Variants in CDK12 observed in about 807,000 individuals in gnomAD.
CDK12 encodes the protein cyclin-dependent kinase 12.
CDK12 carries 17 observed loss-of-function variants against 133.8 expected under a neutral mutation model. The ratio of observed to expected loss-of-function variants is 0.13; its 90% CI spans 0.09 to 0.19. The LOEUF is 0.19. Among genes scored for constraint, CDK12 ranks in the 10% least tolerant of loss-of-function variants. The pLI is 1.00. For missense variants in CDK12, 1,508 were observed against 1,818.7 expected (o/e 0.83, Z 3.11); for synonymous variants, 694 against 683.6 (o/e 1.02, Z -0.24).
rs766575927 is a variant in CDK12 at position 39,471,324 on chromosome 17, C to G, written c.1492C>G (p.Gln498Glu). ...GCATCTTGTTAAAGATTTGAAAGCA[C>G]AGGGAACAAGAGACTCTAAACCCAT... ...EKHLVKDLKA[Q>E]GTRDSKPIAL... is the part of the protein sequence containing the mutation. Residue 498 changes from glutamine (Q) to glutamate (E), a missense_variant, in exon 2 of 14, where the codon CAG (glutamine) becomes GAG (glutamate). Physicochemically the swap from Gln to Glu is conservative, Grantham distance 29. Around this residue, in one of 9 missense-constraint regions of CDK12, gnomAD observed 347 missense variants for 330.8 expected, o/e 1.05. Coordinates refer to ENST00000447079, the MANE Select transcript of CDK12 (RefSeq NM_016507.4). 1.4e-5 allele frequency: 22 copies of G among 1,613,606 alleles called. No homozygotes were observed. Among genetic ancestry groups the G allele is most frequent in the Non-Finnish European group, 1.9e-5 (22 of 1,179,702 alleles).
At chr17:39,497,425 C>G (rs1186474528) in intron 5 of CDK12, among the ~76,000 whole-genome samples, 6 of 151,752 alleles carry the variant, frequency 4.0e-5, no homozygotes, top group African/African-American at 9.7e-5. Context: ...CACTTTTAAT[C>G]CTGGCTACTG....
intron 5 of CDK12, among the ~76,000 whole-genome samples, chr17:39,499,325 A>T (rs2052542798): frequency 6.7e-6 from 1 of 148,898 alleles, no homozygotes; most frequent in Non-Finnish European, 1.5e-5. Context: ...GTCATGCCTC[A>T]GCCTCCCTGA....
chr17:39,563,892 C>T (rs937881855), intron 3 of CDK12, among the ~76,000 whole-genome samples: 1 of 152,162 alleles, frequency 6.6e-6, no homozygotes, highest in Non-Finnish European at 1.5e-5. Flanking sequence ...CCCCTCGGTG[C>T]CACTCACTTA....
chr17:39,557,877 T>C (rs946485926), intron 3 of CDK12, among the ~76,000 whole-genome samples: 6 of 152,214 alleles, frequency 3.9e-5, no homozygotes, highest in African/African-American at 1.4e-4. Context: ...ACTTACCAGC[T>C]GTGCTACCTT....
rs183300137 is a variant in CDK12, at chr17:39,466,735, G to A, written c.1046+3618G>A. On this transcript the variant is annotated intron_variant, in intron 1 of 13. Transcript: ENST00000447079. ...AAAAAATTGGAGACACAATATGGTAGCGTAGCATGCAAATATAAACATATA... is the reference window on the plus strand; with the variant it reads ...AAAAAATTGGAGACACAATATGGTAACGTAGCATGCAAATATAAACATATA... Among the ~76,000 whole-genome samples, 736 of 148,044 alleles carry A rather than the reference G, an allele frequency of 5.0e-3. 20 individuals are homozygous for A. Among genetic ancestry groups the A allele is most frequent in the Admixed American group, 0.042 (603 of 14,452 alleles).
intron 1 of CDK12, among the ~76,000 whole-genome samples, chr17:39,540,872 A>G (rs925893242): frequency 1.3e-5 from 2 of 152,146 alleles, no homozygotes; most frequent in East Asian, 3.9e-4. Flanking sequence ...AAAACCCTCC[A>G]TTCCCTGCAG....
rs1175641459 is a variant in CDK12 at position 39,498,007 on chromosome 17, CTTTCT to C, written c.2420-3239_2420-3235del. Among the ~76,000 whole-genome samples, 13 of 90,750 alleles carry C rather than the reference CTTTCT, an allele frequency of 1.4e-4. No individual in the cohort carries two copies. In the South Asian group the frequency reaches 4.9e-3, roughly 34 times the overall value. The allele number at this position is 90,750 out of a possible 152,430, so 59.5% of individuals were successfully genotyped here. ...TCTTTCTCTCTCTCTTTCTCTCTTT[CTTTCT>C]TTTTTTTTTGGGACAGAGTCTTGCT... On this transcript the variant is annotated intron_variant, in intron 5 of 13. Transcript: ENST00000447079.
At chr17:39,546,503 G>C (rs2055715134), upstream of CDK12, 1 of 152,264 alleles carries the variant, frequency 6.6e-6, no homozygotes, top group Middle Eastern at 3.4e-3. Flanking sequence ...TTTAGTATAT[G>C]TGCTGCCAAA....
rs1555553398 is a variant in CDK12 at position 39,476,711 on chromosome 17, C to CATTTTTTTTTTTTTTTTTTTTTTTTTTTT, written c.1931+4948_1931+4949insATTTTTTTTTTTTTTTTTTTTTTTTTTTT. Among the ~76,000 whole-genome samples, 11 of 84,508 alleles carry CATTTTTTTTTTTTTTTTTTTTTTTTTTTT rather than the reference C, an allele frequency of 1.3e-4. 4 individuals are homozygous for CATTTTTTTTTTTTTTTTTTTTTTTTTTTT. The highest frequency in any genetic ancestry group is 7.1e-4 in the South Asian group (2 of 2,812). The allele number at this position is 84,508 out of a possible 152,430, so 55.4% of individuals were successfully genotyped here. ...TACAGGCATGAGCCACCATGCCTGC[C>CATTTTTTTTTTTTTTTTTTTTTTTTTTTT]TTTTTTTTTTTTTTTTTTTTTTTTT... On this transcript the variant is annotated intron_variant, in intron 2 of 13. Coordinates refer to ENST00000447079, the MANE Select transcript of CDK12 (RefSeq NM_016507.4).
rs1402839643 is a variant in CDK12 at position 39,469,604 on chromosome 17, A to AT, written c.1047-1274dup. ...CTTGTTGCTTTTAACTTCCTGATGG[A>AT]TATAACCCACCTTTACTATGGAGTA... On this transcript the variant is annotated intron_variant, in intron 1 of 13. Coordinates refer to ENST00000447079, the MANE Select transcript of CDK12 (RefSeq NM_016507.4). 2.0e-5 allele frequency among the ~76,000 whole-genome samples: 3 copies of AT among 149,888 alleles called. No homozygotes were observed. In the East Asian group the frequency reaches 5.9e-4, roughly 29 times the overall value.
At chr17:39,493,168 T>TTG (rs1312939758) in intron 4 of CDK12, among the ~76,000 whole-genome samples, 9 of 148,102 alleles carry the variant, frequency 6.1e-5, no homozygotes, top group Admixed American at 4.8e-4. Flanking sequence ...TAATTTTTGT[T>TTG]TTTTTTTTTT....
chr17:39,470,807 G>T, intron 1 of CDK12, 72 bp from the exon 2 acceptor site: 1 of 1,232,692 alleles, frequency 8.1e-7, no homozygotes, highest in Non-Finnish European at 1.1e-6. Flanking sequence ...TTCATAGTTT[G>T]TTTTATTGAT....
chr17:39,512,040 A>G (rs2146388211), intron 8 of CDK12, among the ~76,000 whole-genome samples: 1 of 152,264 alleles, frequency 6.6e-6, no homozygotes, highest in East Asian at 1.9e-4. Context: ...CGCAGATTGT[A>G]TCCTTGTGAT....
intron 2 of CDK12, among the ~76,000 whole-genome samples, chr17:39,482,906 T>A (rs1012243277): frequency 2.0e-5 from 2 of 99,206 alleles, no homozygotes. Context: ...CTGCCTCAAC[T>A]AAATTTTTTT....
chr17:39,524,500 A>G (rs1002826801), intron 11 of CDK12, among the ~76,000 whole-genome samples, 174 bp from the exon 12 acceptor site: 1 of 152,212 alleles, frequency 6.6e-6, no homozygotes, highest in Non-Finnish European at 1.5e-5. Flanking sequence ...ACCATCTGCC[A>G]TGATTTATTT....
At chr17:39,469,672 T>C (rs952525813) in intron 1 of CDK12, among the ~76,000 whole-genome samples, 3 of 150,464 alleles carry the variant, frequency 2.0e-5, no homozygotes, top group African/African-American at 7.3e-5. Flanking sequence ...AATTTTGCTG[T>C]TGTTGCCCAG....
downstream of CDK12, among the ~76,000 whole-genome samples, chr17:39,566,303 A>T (rs2056572227): frequency 6.6e-6 from 1 of 152,182 alleles, no homozygotes; most frequent in African/African-American, 2.4e-5. Flanking sequence ...CTGGTCTTCC[A>T]TTAGTTTGTT....
intron 6 of CDK12, among the ~76,000 whole-genome samples, chr17:39,508,055 C>T (rs2053243450): frequency 6.6e-6 from 1 of 152,020 alleles, no homozygotes; most frequent in South Asian, 2.1e-4. Context: ...GACGAGAATT[C>T]TTTTGGATTT....
At position 39,517,498 on chromosome 17, in the gene CDK12, T is replaced by C; in HGVS notation, c.2905T>C (p.Phe969Leu). Residue 969 changes from phenylalanine (F) to leucine (L), a missense_variant, in exon 10 of 14, where the codon TTC (phenylalanine) becomes CTC (leucine). Transcript: ENST00000447079. ...VWPDVIKLPYFNTMKPKKQYR... is the reference protein window; with the variant it reads ...VWPDVIKLPYLNTMKPKKQYR... The stretch of plus-strand genomic sequence containing the variant: ...GCCTGATGTTATCAAACTGCCCTAC[T>C]TCAACACCATGAAACCGAAGAAGCA... 1.2e-6 allele frequency: 2 copies of C among 1,613,868 alleles called. No homozygotes were observed. The highest frequency in any genetic ancestry group is 1.7e-6 in the Non-Finnish European group (2 of 1,179,756).
Sources: gnomAD v4.1 joint callset for allele counts (sites outside exome capture counted in the v4.1 genomes callset) on GRCh38, gnomAD v4.1.1 for gene constraint, gnomAD v4.1.1 regional missense constraint, MANE v1.5 for transcripts, NCBI Gene and HGNC (gene_info 2026-07-23, HGNC 2026-07-21) for gene names.